WIPF1: variants seen among roughly 807,000 people sequenced by gnomAD.
The protein encoded by WIPF1 is WAS/WASL interacting protein family member 1.
Under a neutral mutation model 35.4 loss-of-function variants are expected in WIPF1, and 13 were observed. That is an observed-to-expected ratio of 0.37 (90% CI 0.24 to 0.58). The LOEUF (loss-of-function observed/expected upper bound fraction) is 0.58. Among genes scored for constraint, WIPF1 ranks in the 20% least tolerant of loss-of-function variants. WIPF1 has a pLI of 0.74. For missense variants in WIPF1, 591 were observed against 667.0 expected (o/e 0.89, Z 1.25); for synonymous variants, 267 against 266.3 (o/e 1.00, Z -0.02).
intron 1 of WIPF1, among the ~76,000 whole-genome samples, chr2:174,586,937 G>A (rs1441797943): frequency 3.3e-5 from 5 of 152,158 alleles, no homozygotes; most frequent in Middle Eastern, 3.2e-3. Context: ...CTGGCCACCT[G>A]AATAACATTA....
intron 1 of WIPF1, among the ~76,000 whole-genome samples, chr2:174,660,302 T>G (rs897863665): frequency 1.3e-5 from 2 of 152,212 alleles, no homozygotes; most frequent in African/African-American, 4.8e-5. Context: ...TGCCATTTAC[T>G]AGCTCCGTGA....
chr2:174,627,945 T>G (rs1420947766), intron 1 of WIPF1, among the ~76,000 whole-genome samples: 2 of 152,154 alleles, frequency 1.3e-5, no homozygotes, highest in African/African-American at 4.8e-5. Flanking sequence ...AACAACAAAG[T>G]AAGCCTGACA....
upstream of WIPF1, among the ~76,000 whole-genome samples, chr2:174,599,817 ATCTC>A (rs60827805): frequency 0.043 from 5,970 of 139,324 alleles, 413 homozygotes; most frequent in African/African-American, 0.14. Context: ...CTCTCTAGCT[ATCTC>A]TCTCTCTCTC....
At chr2:174,624,470 C>A (rs1686768087) in intron 1 of WIPF1, among the ~76,000 whole-genome samples, 1 of 152,154 alleles carries the variant, frequency 6.6e-6, no homozygotes, top group Non-Finnish European at 1.5e-5. Context: ...ATCAGAGAAC[C>A]AGTGAACTAG....
At chr2:174,644,063 A>G (rs974956337) in intron 1 of WIPF1, among the ~76,000 whole-genome samples, 2 of 152,044 alleles carry the variant, frequency 1.3e-5, no homozygotes, top group Non-Finnish European at 2.9e-5. Context: ...TATTCCTGCA[A>G]TTTTATCATG....
rs1009138513 is a variant in WIPF1, at chr2:174,661,050, G to A, written c.-39+21724C>T. Among the ~76,000 whole-genome samples the A allele has an allele frequency of 3.6e-4, 55 of 152,238 alleles. 1 individual carries two copies. Among genetic ancestry groups the A allele is most frequent in the Non-Finnish European group, 1.0e-4 (7 of 68,044 alleles). On this transcript the variant is annotated intron_variant, in intron 1 of 8. Coordinates refer to the WIPF1 transcript ENST00000272746. ...AATATCTTCCCTGCATTGCACTGCAGTCCGGCTCACAGCAGACTGATTCAC... is the reference window on the plus strand; with the variant it reads ...AATATCTTCCCTGCATTGCACTGCAATCCGGCTCACAGCAGACTGATTCAC...
intron 1 of WIPF1, among the ~76,000 whole-genome samples, chr2:174,653,371 G>C (rs1687572350): frequency 6.6e-6 from 1 of 152,118 alleles, no homozygotes; most frequent in South Asian, 2.1e-4. Context: ...GAGCTTACCT[G>C]TGTCAGTGAA....
At chr2:174,617,580 C>T (rs1686545892) in intron 1 of WIPF1, among the ~76,000 whole-genome samples, 1 of 152,168 alleles carries the variant, frequency 6.6e-6, no homozygotes, top group Non-Finnish European at 1.5e-5. Context: ...GGATTGACTT[C>T]CAGGGAGTGA....
At chr2:174,604,038 C>G (rs2105886633) in intron 1 of WIPF1, among the ~76,000 whole-genome samples, 1 of 152,262 alleles carries the variant, frequency 6.6e-6, no homozygotes, top group East Asian at 1.9e-4. Flanking sequence ...AATAATAACA[C>G]AAATATTTTT....
intron 1 of WIPF1, among the ~76,000 whole-genome samples, chr2:174,657,129 A>G (rs1333576405): frequency 6.6e-6 from 1 of 152,226 alleles, no homozygotes; most frequent in Non-Finnish European, 1.5e-5. Flanking sequence ...TACTGGCTTG[A>G]TGGAATCTTG....
At chr2:174,674,903 T>TACACACACACACACAC (rs35062209) in intron 1 of WIPF1, among the ~76,000 whole-genome samples, 2 of 133,918 alleles carry the variant, frequency 1.5e-5, no homozygotes, top group Admixed American at 7.5e-5. Context: ...CAGGTTCAAA[T>TACACACACACACACAC]ACACACACAC....
chr2:174,645,765 C>T (rs935836787), intron 1 of WIPF1, among the ~76,000 whole-genome samples: 9 of 152,236 alleles, frequency 5.9e-5, no homozygotes, highest in African/African-American at 2.2e-4. Context: ...GGTTATTCTT[C>T]TTCGGCATAA....
At chr2:174,592,159 C>A (rs1685635821) in intron 1 of WIPF1, among the ~76,000 whole-genome samples, 2 of 152,132 alleles carry the variant, frequency 1.3e-5, no homozygotes, top group Admixed American at 1.3e-4. Flanking sequence ...AGTTTCATAG[C>A]CAACTTACAA....
chr2:174,682,045 A>G (rs1217807758), intron 1 of WIPF1, among the ~76,000 whole-genome samples: 2 of 152,260 alleles, frequency 1.3e-5, no homozygotes, highest in South Asian at 2.1e-4. Flanking sequence ...CTTTAAAAAG[A>G]AAAGTATGTA....
intron 1 of WIPF1, among the ~76,000 whole-genome samples, chr2:174,629,494 T>C (rs2105929212): frequency 6.6e-6 from 1 of 152,194 alleles, no homozygotes; most frequent in Admixed American, 6.5e-5. Flanking sequence ...CACAAGGTGA[T>C]GGGCATGAAA....
intron 1 of WIPF1, among the ~76,000 whole-genome samples, chr2:174,660,300 A>C (rs756203326): frequency 3.9e-5 from 6 of 152,180 alleles, no homozygotes; most frequent in African/African-American, 9.7e-5. Context: ...CCTGCCATTT[A>C]CTAGCTCCGT....
intron 7 of WIPF1, among the ~76,000 whole-genome samples, chr2:174,564,075 G>A (rs1684567775): frequency 6.6e-6 from 1 of 152,182 alleles, no homozygotes; most frequent in Admixed American, 6.5e-5. Flanking sequence ...CTTGTCCAAA[G>A]CTGTAATTAG....
chr2:174,652,437 A>G (rs1017796051), intron 1 of WIPF1, among the ~76,000 whole-genome samples: 7 of 152,234 alleles, frequency 4.6e-5, no homozygotes, highest in Admixed American at 1.3e-4. Flanking sequence ...TATAATGCCT[A>G]CATGGACGTT....
chr2:174,674,903 TACACACACACACACAC>T (rs35062209), intron 1 of WIPF1, among the ~76,000 whole-genome samples: 214 of 134,020 alleles, frequency 1.6e-3, no homozygotes, highest in African/African-American at 4.5e-3. Flanking sequence ...CAGGTTCAAA[TACACACACACACACAC>T]ACACACACAC....
Sources: allele counts gnomAD v4.1 joint callset (sites outside exome capture counted in the v4.1 genomes callset), GRCh38; gene constraint gnomAD v4.1.1; transcripts MANE v1.5; gene names NCBI Gene and HGNC (gene_info 2026-07-23, HGNC 2026-07-21).